Variants in THSD7B observed in about 807,000 individuals in gnomAD.
THSD7B encodes the protein thrombospondin type 1 domain containing 7B.
In THSD7B, 138 loss-of-function variants were observed where a neutral mutation model predicts 213.6. The ratio of observed to expected loss-of-function variants is 0.65; its 90% CI spans 0.56 to 0.74. THSD7B has a LOEUF of 0.74. THSD7B is among the 30% of genes least tolerant of loss of function. THSD7B has a pLI of 0.00. For synonymous variants in THSD7B, 742 were observed against 687.0 expected, an observed-to-expected ratio of 1.08 and a Z score of -1.25; for missense variants, 1,931 against 1,991.5, an observed-to-expected ratio of 0.97 and a Z score of 0.58.
intron 10 of THSD7B, among the ~76,000 whole-genome samples, chr2:137,260,854 C>T (rs1208433897): frequency 1.4e-4 from 22 of 152,200 alleles, no homozygotes; most frequent in Admixed American, 1.4e-3. Context: ...TCCATCTTCT[C>T]ATTCAGAAGA....
At chr2:137,606,552 G>A (rs552264657) in intron 17 of THSD7B, among the ~76,000 whole-genome samples, 1 of 152,238 alleles carries the variant, frequency 6.6e-6, no homozygotes, top group African/African-American at 2.4e-5. Flanking sequence ...AAACAGAAAT[G>A]TCATAGAAGT....
At chr2:136,920,474 G>A (rs1447734543) in intron 2 of THSD7B, among the ~76,000 whole-genome samples, 1 of 152,172 alleles carries the variant, frequency 6.6e-6, no homozygotes, top group African/African-American at 2.4e-5. Context: ...TGGGGTTTTT[G>A]TGTGTTCAGA....
intron 1 of THSD7B, among the ~76,000 whole-genome samples, chr2:136,855,861 A>C (rs575983267): frequency 6.6e-6 from 1 of 151,696 alleles, no homozygotes; most frequent in East Asian, 2.0e-4. Context: ...CACCAAGTGC[A>C]CCCTCTCCTG....
intron 2 of THSD7B, among the ~76,000 whole-genome samples, chr2:136,977,955 A>G (rs1222255945): frequency 6.6e-6 from 1 of 151,992 alleles, no homozygotes; most frequent in Non-Finnish European, 1.5e-5. Flanking sequence ...GTATGCCACC[A>G]TGCCTAGCTA....
intron 12 of THSD7B, among the ~76,000 whole-genome samples, chr2:137,308,441 T>A (rs376106234): frequency 2.0e-5 from 3 of 152,164 alleles, no homozygotes. Context: ...TACCATGATA[T>A]GTAACATATC....
chr2:137,147,633 C>T (rs1452740879), intron 5 of THSD7B, among the ~76,000 whole-genome samples: 2 of 151,960 alleles, frequency 1.3e-5, no homozygotes, highest in Non-Finnish European at 2.9e-5. Flanking sequence ...TTTCTCCTTG[C>T]TATCATTATT....
intron 2 of THSD7B, among the ~76,000 whole-genome samples, chr2:137,031,629 A>G (rs1686669137): frequency 6.6e-6 from 1 of 152,218 alleles, no homozygotes. Flanking sequence ...AATGTATTTA[A>G]CAAAATAATA....
chr2:137,238,833 G>A (rs1681835744), intron 9 of THSD7B, among the ~76,000 whole-genome samples: 1 of 151,652 alleles, frequency 6.6e-6, no homozygotes, highest in Non-Finnish European at 1.5e-5. Context: ...GATTACAGGC[G>A]TGAGCCACCG....
chr2:137,432,721 CATTT>C (rs1396421040), intron 14 of THSD7B, among the ~76,000 whole-genome samples: 1 of 152,132 alleles, frequency 6.6e-6, no homozygotes, highest in Non-Finnish European at 1.5e-5. Context: ...TCCAGGACTC[CATTT>C]CTTTGCCTGT....
rs767140673 is a variant in THSD7B at position 137,173,119 on chromosome 2, TTAGTG to T, written c.1723+2182_1723+2186del. Among the ~76,000 whole-genome samples the T allele has an allele frequency of 2.0e-5, 3 of 152,284 alleles. No individual in the cohort carries two copies. The East Asian group carries it at 5.8e-4, about 29-fold the overall frequency. ...AGTTAAATTAGTTATATAACAATGA[TTAGTG>T]AAGTGGCAATGATTTTTTGAATGGC... On this transcript the variant is annotated intron_variant, in intron 7 of 27. Coordinates refer to ENST00000409968, the MANE Select transcript of THSD7B (RefSeq NM_001316349.2).
At chr2:136,779,198 ATG>A (rs199689020) in intron 1 of THSD7B, among the ~76,000 whole-genome samples, 1,034 of 55,100 alleles carry the variant, frequency 0.019, 12 homozygotes, top group South Asian at 0.072. Context: ...ATATATATAT[ATG>A]TGTGTGTGTG....
At chr2:137,367,413 T>C (rs1685446884) in intron 12 of THSD7B, among the ~76,000 whole-genome samples, 1 of 152,138 alleles carries the variant, frequency 6.6e-6, no homozygotes, top group Non-Finnish European at 1.5e-5. Flanking sequence ...TTGACAGTGA[T>C]GGCACTTGTG....
At chr2:137,639,523 G>A (rs1682899287) in intron 20 of THSD7B, among the ~76,000 whole-genome samples, 1 of 152,184 alleles carries the variant, frequency 6.6e-6, no homozygotes, top group Non-Finnish European at 1.5e-5. Context: ...GTGGAGCTGT[G>A]AGAAGAGGGC....
chr2:137,273,875 G>A (rs775341323), intron 11 of THSD7B, among the ~76,000 whole-genome samples: 4 of 152,018 alleles, frequency 2.6e-5, no homozygotes, highest in Admixed American at 1.3e-4. Flanking sequence ...GAGCTCTCAA[G>A]GAAAGTATCC....
intron 11 of THSD7B, among the ~76,000 whole-genome samples, chr2:137,274,785 A>C (rs1410894858): frequency 6.6e-6 from 1 of 152,102 alleles, no homozygotes; most frequent in African/African-American, 2.4e-5. Context: ...TCTTGGAATC[A>C]TGCAGAATGT....
chr2:136,936,371 G>A (rs555724017), intron 2 of THSD7B, among the ~76,000 whole-genome samples: 10 of 152,198 alleles, frequency 6.6e-5, no homozygotes, highest in Admixed American at 1.3e-4. Context: ...AATTGCACAC[G>A]CATGTTTATA....
At chr2:136,984,734 G>A (rs1471318177) in intron 2 of THSD7B, among the ~76,000 whole-genome samples, 1 of 152,220 alleles carries the variant, frequency 6.6e-6, no homozygotes, top group African/African-American at 2.4e-5. Context: ...AGTTGGAAGA[G>A]TTTGGAGGGC....
chr2:137,409,889 C>T (rs887033722), intron 13 of THSD7B, among the ~76,000 whole-genome samples: 1 of 152,044 alleles, frequency 6.6e-6, no homozygotes, highest in African/African-American at 2.4e-5. Flanking sequence ...AAAGATATTC[C>T]AGGGCTTTGG....
chr2:137,009,673 G>T (rs900027233), intron 2 of THSD7B, among the ~76,000 whole-genome samples: 1 of 152,152 alleles, frequency 6.6e-6, no homozygotes. Context: ...ATCAGATCTC[G>T]TGAGACTTAT....
Sources: allele counts gnomAD v4.1 joint callset (sites outside exome capture counted in the v4.1 genomes callset), GRCh38; gene constraint gnomAD v4.1.1; transcripts MANE v1.5; gene names NCBI Gene and HGNC (gene_info 2026-07-23, HGNC 2026-07-21).